The following CFAP263 variants were observed in gnomAD, a reference collection of about 807,000 sequenced individuals.
CFAP263 encodes cilia- and flagella-associated protein 263.
At chr16:58,278,342 C>T in the CFAP263 span, 4 of 741,242 alleles carry the variant, frequency 5.4e-6, no homozygotes, top group Non-Finnish European at 6.5e-6. Flanking sequence ...GTGATTCCCA[C>T]CCCTCCCCAA....
the CFAP263 span, chr16:58,262,566 C>T: frequency 6.3e-7 from 1 of 1,577,142 alleles, no homozygotes; most frequent in Non-Finnish European, 8.7e-7. Flanking sequence ...ATACCCAGGG[C>T]TCCCCCAAGG....
chr16:58,259,542 C>T, the CFAP263 span, among the ~76,000 whole-genome samples: 21 of 152,164 alleles, frequency 1.4e-4, no homozygotes, highest in East Asian at 3.9e-3. Context: ...TGTAAACTAC[C>T]GTGGGAATAC....
chr16:58,250,151 C>A, the CFAP263 span: 2 of 1,296,358 alleles, frequency 1.5e-6, no homozygotes, highest in South Asian at 1.3e-5. Context: ...GCCCCTCTTC[C>A]TCCTAGGCCC....
the CFAP263 span, chr16:58,279,797 T>G: frequency 6.5e-7 from 1 of 1,550,102 alleles, no homozygotes; most frequent in South Asian, 1.1e-5. Flanking sequence ...GGCCACGGCT[T>G]ACAGACCACT....
the CFAP263 span, chr16:58,279,701 A>G: frequency 9.1e-5 from 146 of 1,607,272 alleles, no homozygotes; most frequent in East Asian, 1.3e-4. Context: ...ATGTCCTTAA[A>G]AGGCCATCGT....
the CFAP263 span, among the ~76,000 whole-genome samples, chr16:58,253,774 T>A: frequency 2.7e-4 from 41 of 152,344 alleles, no homozygotes; most frequent in South Asian, 8.5e-3. Flanking sequence ...CACTTCATTG[T>A]CAAACATAGG....
At chr16:58,250,913 T>A in the CFAP263 span, among the ~76,000 whole-genome samples, 1 of 152,200 alleles carries the variant, frequency 6.6e-6, no homozygotes, top group Non-Finnish European at 1.5e-5. Flanking sequence ...CCCGATAGTC[T>A]GCGTTTATTT....
the CFAP263 span, chr16:58,253,862 T>C: frequency 1.2e-6 from 1 of 863,226 alleles, no homozygotes; most frequent in South Asian, 1.7e-5. Flanking sequence ...CCAGCATCCT[T>C]TTACCATGAA....
chr16:58,267,581 G>A, the CFAP263 span: 1 of 1,594,382 alleles, frequency 6.3e-7, no homozygotes, highest in Non-Finnish European at 8.6e-7. Context: ...ACTACAAGTA[G>A]AGGAGGTAGG....
the CFAP263 span, chr16:58,280,290 C>T: frequency 6.2e-7 from 1 of 1,614,074 alleles, no homozygotes; most frequent in East Asian, 2.2e-5. Flanking sequence ...GCTGATACAA[C>T]CTGTTCTGAC....
At chr16:58,276,627 C>T in the CFAP263 span, among the ~76,000 whole-genome samples, 6 of 152,186 alleles carry the variant, frequency 3.9e-5, no homozygotes, top group Admixed American at 2.0e-4. Flanking sequence ...GAACCACTGC[C>T]TGGAACAAGC....
chr16:58,267,088 C>T, the CFAP263 span, among the ~76,000 whole-genome samples: 3 of 152,300 alleles, frequency 2.0e-5, no homozygotes, highest in Non-Finnish European at 4.4e-5. Flanking sequence ...AGCTGTTTGT[C>T]GTATGTTCTC....
At chr16:58,274,537 A>C in the CFAP263 span, among the ~76,000 whole-genome samples, 2 of 152,176 alleles carry the variant, frequency 1.3e-5, no homozygotes, top group African/African-American at 4.8e-5. Context: ...AGTTTACCCA[A>C]TGCTGTTCTC....
At chr16:58,272,859 A>G in the CFAP263 span, among the ~76,000 whole-genome samples, 1 of 151,168 alleles carries the variant, frequency 6.6e-6, no homozygotes, top group South Asian at 2.1e-4. Flanking sequence ...CCTAGAATCC[A>G]CCATTTCTCC....
the CFAP263 span, chr16:58,259,784 C>A: frequency 1.0e-6 from 1 of 989,504 alleles, no homozygotes; most frequent in Non-Finnish European, 1.5e-6. Flanking sequence ...CAGAACCATC[C>A]ACTTTTCAAA....
the CFAP263 span, among the ~76,000 whole-genome samples, chr16:58,268,414 T>G: frequency 6.6e-6 from 1 of 152,210 alleles, no homozygotes; most frequent in Non-Finnish European, 1.5e-5. Context: ...CAATTTCTGG[T>G]CTTGAACAAG....
At chr16:58,269,944 C>G in the CFAP263 span, among the ~76,000 whole-genome samples, 469 of 152,206 alleles carry the variant, frequency 3.1e-3, no homozygotes, top group African/African-American at 0.011. Flanking sequence ...AGTGGCTGCC[C>G]CATTTTGTAT....
chr16:58,251,004 A>G, the CFAP263 span, among the ~76,000 whole-genome samples: 2 of 152,190 alleles, frequency 1.3e-5, no homozygotes, highest in African/African-American at 4.8e-5. Flanking sequence ...TGATGTAGTT[A>G]AGATTAGTTG....
At chr16:58,261,736 C>T in the CFAP263 span, among the ~76,000 whole-genome samples, 1 of 152,254 alleles carries the variant, frequency 6.6e-6, no homozygotes, top group African/African-American at 2.4e-5. Flanking sequence ...GCACAGACAG[C>T]ATGAGTGAGG....
Sources: allele counts gnomAD v4.1 joint callset (sites outside exome capture counted in the v4.1 genomes callset), GRCh38; gene constraint gnomAD v4.1.1; transcripts MANE v1.5; gene names NCBI Gene and HGNC (gene_info 2026-07-23, HGNC 2026-07-21).